RIMKLB: variants seen among roughly 807,000 people sequenced by gnomAD.
The protein encoded by RIMKLB is ribosomal modification protein rimK like family member B.
Under a neutral mutation model 32.0 loss-of-function variants are expected in RIMKLB, and 7 were observed. That is an observed-to-expected ratio of 0.22 (90% CI 0.12 to 0.41). The LOEUF (loss-of-function observed/expected upper bound fraction) is 0.41, where lower values mean the gene tolerates loss of function less well. RIMKLB is among the 10% of genes least tolerant of loss of function. The pLI is 1.00. For synonymous variants in RIMKLB, 172 were observed against 185.1 expected, an observed-to-expected ratio of 0.93 and a Z score of 0.57; for missense variants, 289 against 498.7, an observed-to-expected ratio of 0.58 and a Z score of 4.00.
chr12:8,710,273 C>T (rs941375789), intron 1 of RIMKLB, among the ~76,000 whole-genome samples: 5 of 150,924 alleles, frequency 3.3e-5, no homozygotes, highest in Admixed American at 2.0e-4. Context: ...TACCGCTCCC[C>T]GCCAGTTTTG....
intron 2 of RIMKLB, among the ~76,000 whole-genome samples, chr12:8,715,088 G>C (rs193124700): frequency 2.6e-4 from 40 of 152,248 alleles, no homozygotes; most frequent in African/African-American, 9.4e-4. Flanking sequence ...ATCACACTAA[G>C]TATAATCTCT....
chr12:8,740,403 G>T (rs1947393325), intron 2 of RIMKLB, among the ~76,000 whole-genome samples: 1 of 152,280 alleles, frequency 6.6e-6, no homozygotes, highest in Non-Finnish European at 1.5e-5. Context: ...ACATGGGTAA[G>T]TTCTTTAGTG....
chr12:8,745,374 T>C (rs1355308840), intron 2 of RIMKLB, among the ~76,000 whole-genome samples: 8 of 151,874 alleles, frequency 5.3e-5, no homozygotes, highest in South Asian at 2.1e-4. Context: ...CCTATTTCTT[T>C]AGCTGTTCTC....
upstream of RIMKLB, among the ~76,000 whole-genome samples, chr12:8,695,555 C>A (rs995179474): frequency 4.8e-5 from 7 of 146,146 alleles, no homozygotes; most frequent in African/African-American, 1.8e-4. Flanking sequence ...TGTGTTTAAG[C>A]CTTATCATTG....
At position 8,776,785 on chromosome 12, in the gene RIMKLB, T is replaced by A. The variant is rs1011044934; in HGVS notation, c.*3001T>A. 65 of 985,330 alleles carry A rather than the reference T, an allele frequency of 6.6e-5. No individual in the cohort carries two copies. Among genetic ancestry groups the A allele is most frequent in the Non-Finnish European group, 7.7e-5 (64 of 829,804 alleles). 61.0% of individuals were successfully genotyped at this position (985,330 alleles called of 1,614,324 possible). A position where few individuals can be genotyped will look rare whatever the true frequency, so the allele number is the denominator to read the frequency against. On this transcript the variant is annotated 3_prime_UTR_variant, in exon 6 of 6. Coordinates refer to ENST00000535829, the MANE Select transcript of RIMKLB (RefSeq NM_001297776.2). ...CAATAAGAAAACTACCCTGGAACAG[T>A]AGAAAAACCCAACAAGAGACTTGGC...
intron 2 of RIMKLB, chr12:8,743,101 C>T (rs889466532): frequency 6.6e-6 from 1 of 152,266 alleles, no homozygotes; most frequent in African/African-American, 2.4e-5. Flanking sequence ...GGCCTGGAAT[C>T]CCAGTACTTT....
chr12:8,744,921 G>T (rs760345901), intron 2 of RIMKLB, among the ~76,000 whole-genome samples: 11 of 151,936 alleles, frequency 7.2e-5, no homozygotes, highest in Admixed American at 6.5e-4. Context: ...AGGTATACGT[G>T]TGCCATGTTG....
intron 5 of RIMKLB, among the ~76,000 whole-genome samples, chr12:8,760,239 C>T (rs780351359): frequency 1.3e-5 from 2 of 152,160 alleles, no homozygotes; most frequent in Non-Finnish European, 2.9e-5. Flanking sequence ...TGATGGTTTC[C>T]AGTTTCATCC....
intron 1 of RIMKLB, among the ~76,000 whole-genome samples, chr12:8,688,577 C>T (rs766966513): frequency 1.3e-5 from 2 of 152,026 alleles, no homozygotes; most frequent in Admixed American, 6.6e-5. Flanking sequence ...TCTTAGTCTC[C>T]CCCATTTCTT....
chr12:8,674,529 G>A, the RIMKLB span, among the ~76,000 whole-genome samples: 1 of 151,140 alleles, frequency 6.6e-6, no homozygotes, highest in African/African-American at 2.4e-5. Flanking sequence ...GTGAGCCACC[G>A]CGCCCAGCCC....
chr12:8,744,663 T>G (rs1947909082), intron 2 of RIMKLB, among the ~76,000 whole-genome samples: 1 of 150,984 alleles, frequency 6.6e-6, no homozygotes. Flanking sequence ...TTTTTTAAAC[T>G]TTATTTATTT....
chr12:8,777,873 C>T (rs762867257), downstream of RIMKLB: 5 of 225,976 alleles, frequency 2.2e-5, no homozygotes, highest in Non-Finnish European at 3.2e-5. Flanking sequence ...CCTTTCTTTA[C>T]GTACTTTAAA....
At chr12:8,756,276 G>C (rs887160440) in intron 5 of RIMKLB, among the ~76,000 whole-genome samples, 1 of 151,824 alleles carries the variant, frequency 6.6e-6, no homozygotes, top group African/African-American at 2.4e-5. Flanking sequence ...AACCATGATC[G>C]TACCACTGCA....
intron 1 of RIMKLB, among the ~76,000 whole-genome samples, chr12:8,702,005 CAATA>C (rs961671220): frequency 4.1e-5 from 6 of 144,858 alleles, no homozygotes; most frequent in Non-Finnish European, 7.5e-5. Context: ...GACTCCATCT[CAATA>C]AAAAAAAAAA....
rs1335015338 is a variant in RIMKLB, at chr12:8,775,505, A to G, written c.*1721A>G. On this transcript the variant is annotated 3_prime_UTR_variant, in exon 6 of 6. Transcript: ENST00000535829. ...TACGAATCCTCTGAAGCTTTTACCCAAGCCCTTTCTTGCCTCTCCAGTGCT... is the reference window on the plus strand; with the variant it reads ...TACGAATCCTCTGAAGCTTTTACCCGAGCCCTTTCTTGCCTCTCCAGTGCT... 1.0e-6 allele frequency: 1 copy of G among 985,682 alleles called. No homozygotes were observed. The highest frequency in any genetic ancestry group is 1.1e-4 in the East Asian group (1 of 8,834). The allele number at this position is 985,682 out of a possible 1,614,324, so 61.1% of individuals were successfully genotyped here.
At chr12:8,716,538 C>T (rs1944858390) in intron 2 of RIMKLB, among the ~76,000 whole-genome samples, 2 of 142,184 alleles carry the variant, frequency 1.4e-5, no homozygotes, top group South Asian at 4.4e-4. Context: ...ACTATCCTGG[C>T]TCAGGCTATC....
chr12:8,743,175 G>A (rs1425971438), intron 2 of RIMKLB: 1 of 151,680 alleles, frequency 6.6e-6, no homozygotes, highest in Admixed American at 6.6e-5. Context: ...CCAACATAGG[G>A]AAACCCTGTC....
At chr12:8,713,266 A>G (rs1944529431) in intron 1 of RIMKLB, among the ~76,000 whole-genome samples, 1 of 152,148 alleles carries the variant, frequency 6.6e-6, no homozygotes, top group East Asian at 1.9e-4. Flanking sequence ...TGACTTCATC[A>G]TTGAAGCTTA....
intron 2 of RIMKLB, among the ~76,000 whole-genome samples, chr12:8,728,118 C>A (rs144581461): frequency 6.6e-6 from 1 of 152,246 alleles, no homozygotes; most frequent in African/African-American, 2.4e-5. Flanking sequence ...TCCCATATCT[C>A]TCCTTACATT....
Sources: gnomAD v4.1 joint callset for allele counts (sites outside exome capture counted in the v4.1 genomes callset) on GRCh38, gnomAD v4.1.1 for gene constraint, MANE v1.5 for transcripts, NCBI Gene and HGNC (gene_info 2026-07-23, HGNC 2026-07-21) for gene names.